The following ELF2 variants were observed in gnomAD, a reference collection of about 807,000 sequenced individuals.
ELF2 encodes ETS-related transcription factor Elf-2.
A neutral mutation model predicts 54.8 loss-of-function variants in ELF2; 11 were observed. The observed-to-expected ratio is 0.20, with a 90% CI of 0.13 to 0.33. The LOEUF is 0.33. Among genes scored for constraint, ELF2 ranks in the 10% least tolerant of loss-of-function variants. The pLI is 1.00. For missense variants in ELF2, 513 were observed against 703.0 expected (o/e 0.73, Z 3.06); for synonymous variants, 203 against 245.1 (o/e 0.83, Z 1.61).
chr4:139,103,636 T>C (rs1040472656), intron 4 of ELF2, among the ~76,000 whole-genome samples: 9 of 152,238 alleles, frequency 5.9e-5, no homozygotes, highest in African/African-American at 2.2e-4. Context: ...CTGTATCCTT[T>C]AAATATCCTT....
intron 4 of ELF2, among the ~76,000 whole-genome samples, chr4:139,097,949 C>T (rs536851148): frequency 6.6e-6 from 1 of 152,324 alleles, no homozygotes; most frequent in East Asian, 1.9e-4. Flanking sequence ...ATCCTCCTGC[C>T]TCAGCCTCCC....
intron 1 of ELF2, among the ~76,000 whole-genome samples, chr4:139,159,258 A>C (rs913759316): frequency 6.6e-6 from 1 of 152,226 alleles, no homozygotes; most frequent in Non-Finnish European, 1.5e-5. Context: ...GTAGAATAGC[A>C]GATGGAACAC....
chr4:139,151,006 G>A (rs117898392), intron 1 of ELF2, among the ~76,000 whole-genome samples: 1,694 of 122,756 alleles, frequency 0.014, 43 homozygotes, highest in East Asian at 0.039. Flanking sequence ...CTTAGGTGAC[G>A]GAACGAGGCT....
intron 8 of ELF2, among the ~76,000 whole-genome samples, chr4:139,060,915 A>C (rs1578653630): frequency 6.6e-6 from 1 of 152,296 alleles, no homozygotes; most frequent in African/African-American, 2.4e-5. Flanking sequence ...AACTGGCTGA[A>C]AGTTCATTCT....
At chr4:139,105,601 C>G (rs1734334701) in intron 4 of ELF2, among the ~76,000 whole-genome samples, 1 of 152,142 alleles carries the variant, frequency 6.6e-6, no homozygotes, top group African/African-American at 2.4e-5. Context: ...AAAAATGATC[C>G]TGGCCAGGCA....
chr4:139,120,565 A>C (rs1414983727), intron 4 of ELF2, among the ~76,000 whole-genome samples: 1 of 152,080 alleles, frequency 6.6e-6, no homozygotes, highest in East Asian at 1.9e-4. Context: ...CAGACTCTCA[A>C]GTAGCTAGGA....
At chr4:139,115,668 G>C (rs1223356911) in intron 4 of ELF2, among the ~76,000 whole-genome samples, 1 of 152,082 alleles carries the variant, frequency 6.6e-6, no homozygotes, top group Non-Finnish European at 1.5e-5. Flanking sequence ...TTAATCCCAA[G>C]ATACACATTT....
chr4:139,140,455 T>G (rs1313636542), intron 1 of ELF2, among the ~76,000 whole-genome samples: 1 of 152,162 alleles, frequency 6.6e-6, no homozygotes, highest in Non-Finnish European at 1.5e-5. Flanking sequence ...TCCTCTCATC[T>G]TAAAAGTAGA....
intron 5 of ELF2, among the ~76,000 whole-genome samples, chr4:139,073,201 C>T (rs1280198044): frequency 6.6e-6 from 1 of 152,148 alleles, no homozygotes; most frequent in East Asian, 1.9e-4. Context: ...ATAGACATGA[C>T]AGTACAAATA....
chr4:139,121,063 A>G (rs937860613), intron 4 of ELF2, among the ~76,000 whole-genome samples: 4 of 121,218 alleles, frequency 3.3e-5, no homozygotes, highest in African/African-American at 1.3e-4. Flanking sequence ...TCATTTGGCT[A>G]TTGACTGCTT....
chr4:139,169,919 T>C (rs1651219519), intron 1 of ELF2, among the ~76,000 whole-genome samples: 1 of 151,544 alleles, frequency 6.6e-6, no homozygotes, highest in Non-Finnish European at 1.5e-5. Context: ...CATAGTTTAC[T>C]ACGGTATGCA....
chr4:139,115,423 C>T (rs1735586455), intron 4 of ELF2: 12 of 990,238 alleles, frequency 1.2e-5, no homozygotes, highest in East Asian at 1.1e-4. Context: ...CCTGCGCCAC[C>T]GCCTCCGGGA....
chr4:139,062,099 T>G, intron 7 of ELF2, 42 bp from the exon 8 acceptor site: 1 of 1,542,256 alleles, frequency 6.5e-7, no homozygotes. Flanking sequence ...TTCATTAACA[T>G]AATTAAATAC....
Position 139,165,052 on chromosome 4 carries a change from G to A in ELF2, c.-252+11915C>T, listed in dbSNP as rs573470091. The stretch of plus-strand genomic sequence containing the variant: ...ATTAGCAGAAGCAATCTCATTGCAG[G>A]AAGTTTTCTTTGCCTTTTTGTTAAC... On this transcript the variant is annotated intron_variant, in intron 1 of 9. Coordinates refer to ENST00000686138, the MANE Select transcript of ELF2 (RefSeq NM_001331036.3). Among the ~76,000 whole-genome samples, 23 of 152,302 alleles carry A rather than the reference G, an allele frequency of 1.5e-4. No individual in the cohort carries two copies. The South Asian group carries it at 3.3e-3, about 22-fold the overall frequency.
intron 4 of ELF2, chr4:139,115,122 G>T: frequency 6.2e-7 from 1 of 1,613,812 alleles, no homozygotes; most frequent in South Asian, 1.1e-5. Flanking sequence ...CTTCCTGGCA[G>T]TCGTAGAGGC....
chr4:139,105,772 G>A (rs1017690217), intron 4 of ELF2, among the ~76,000 whole-genome samples: 1 of 152,158 alleles, frequency 6.6e-6, no homozygotes, highest in Non-Finnish European at 1.5e-5. Context: ...CACACCTGTA[G>A]TCCCAGCTAC....
Position 139,169,133 on chromosome 4 carries a change from A to T in ELF2, c.-252+7834T>A, listed in dbSNP as rs1006526956. ...GAGGCCAGGGCAGGCAGATCACTTG[A>T]GGTCAGGAGTTTAAGACCAACCTGG... On this transcript the variant is annotated intron_variant, in intron 1 of 9. Coordinates refer to ENST00000686138, the MANE Select transcript of ELF2 (RefSeq NM_001331036.3). Among the ~76,000 whole-genome samples the T allele has an allele frequency of 6.6e-5, 10 of 152,004 alleles. 1 individual carries two copies. Among genetic ancestry groups the T allele is most frequent in the East Asian group, 3.9e-4 (2 of 5,110 alleles).
chr4:139,100,049 A>G (rs540820496), intron 4 of ELF2, among the ~76,000 whole-genome samples: 162 of 152,326 alleles, frequency 1.1e-3, no homozygotes, highest in African/African-American at 2.8e-3. Flanking sequence ...TGTGATTACA[A>G]TAATTTGTAT....
chr4:139,161,427 T>C (rs1203561682), intron 1 of ELF2, among the ~76,000 whole-genome samples: 1 of 152,100 alleles, frequency 6.6e-6, no homozygotes, highest in Admixed American at 6.5e-5. Flanking sequence ...AGTCTTTTAT[T>C]TGTGAAGCTC....
Sources: allele counts gnomAD v4.1 joint callset (sites outside exome capture counted in the v4.1 genomes callset), GRCh38; gene constraint gnomAD v4.1.1; transcripts MANE v1.5; gene names NCBI Gene and HGNC (gene_info 2026-07-23, HGNC 2026-07-21).